The following SEMA3E variants were observed in gnomAD, a reference collection of about 807,000 sequenced individuals.
SEMA3E encodes the protein semaphorin-3E.
In SEMA3E, 49 loss-of-function variants were observed where a neutral mutation model predicts 93.6. The observed-to-expected ratio is 0.52, with a 90% confidence interval of 0.42 to 0.66. The LOEUF (loss-of-function observed/expected upper bound fraction) is 0.66. Ranked by LOEUF, SEMA3E falls within the 30% of genes least tolerant of loss-of-function variation. SEMA3E has a pLI of 0.00. For synonymous variants in SEMA3E, 363 were observed against 330.7 expected (o/e 1.10, Z -1.06); for missense variants, 906 against 964.8 (o/e 0.94, Z 0.81).
intron 1 of SEMA3E, among the ~76,000 whole-genome samples, chr7:83,576,984 A>G (rs1043219616): frequency 6.6e-6 from 1 of 152,322 alleles, no homozygotes; most frequent in South Asian, 2.1e-4. Context: ...CCATCGTGGT[A>G]ATAAGTTTGC....
At chr7:83,408,554 A>G in intron 5 of SEMA3E, 67 bp from the exon 6 acceptor site, 1 of 1,466,472 alleles carries the variant, frequency 6.8e-7, no homozygotes, top group South Asian at 1.2e-5. Context: ...AAACACATCC[A>G]AATTTAATAT....
At chr7:83,620,719 C>T (rs1022580813) in intron 1 of SEMA3E, among the ~76,000 whole-genome samples, 2 of 151,876 alleles carry the variant, frequency 1.3e-5, no homozygotes, top group African/African-American at 4.8e-5. Flanking sequence ...TAATTCATCA[C>T]GTAAACAGAA....
In SEMA3E at chr7:83,469,478, C is replaced by T. The variant is rs3823896; in HGVS notation, c.277-176G>A. Among the ~76,000 whole-genome samples, 66,486 of 147,826 alleles carry T rather than the reference C, an allele frequency of 0.45. 16,149 individuals are homozygous for T. The highest frequency in any genetic ancestry group is 0.67 in the East Asian group (3,397 of 5,064). ...CAGAATTATTTGCATAATTAAGAAA[C>T]GTATCGCTGGGCTTTTACTTTATGA... On this transcript the variant is annotated intron_variant, in intron 2 of 16. Transcript: ENST00000643230.
chr7:83,637,206 AC>A (rs1163838632), intron 1 of SEMA3E, among the ~76,000 whole-genome samples: 1 of 152,172 alleles, frequency 6.6e-6, no homozygotes, highest in Non-Finnish European at 1.5e-5. Flanking sequence ...CAATATTGAT[AC>A]ATTATTATTA....
chr7:83,470,419 C>G (rs1458174368), intron 2 of SEMA3E, among the ~76,000 whole-genome samples: 1 of 152,042 alleles, frequency 6.6e-6, no homozygotes, highest in Non-Finnish European at 1.5e-5. Context: ...ATTGATTGTA[C>G]TATGTGCCAG....
At chr7:83,519,689 C>T (rs1791005518) in intron 1 of SEMA3E, among the ~76,000 whole-genome samples, 1 of 152,124 alleles carries the variant, frequency 6.6e-6, no homozygotes, top group African/African-American at 2.4e-5. Flanking sequence ...GTTTTAATCA[C>T]TGTTTTTCTT....
intron 1 of SEMA3E, among the ~76,000 whole-genome samples, chr7:83,529,875 A>T (rs545359940): frequency 6.6e-6 from 1 of 152,236 alleles, no homozygotes; most frequent in East Asian, 1.9e-4. Context: ...TCCCCTTCCC[A>T]AATCTTTATA....
At chr7:83,448,556 G>A (rs1431451421) in intron 4 of SEMA3E, among the ~76,000 whole-genome samples, 1 of 152,084 alleles carries the variant, frequency 6.6e-6, no homozygotes, top group African/African-American at 2.4e-5. Context: ...GTCCTACCAC[G>A]CTAGTATATT....
intron 4 of SEMA3E, among the ~76,000 whole-genome samples, chr7:83,436,312 G>A (rs1188139993): frequency 6.7e-6 from 1 of 148,530 alleles, no homozygotes; most frequent in African/African-American, 2.5e-5. Flanking sequence ...AGAAGAAAAT[G>A]TGGGGGAGGA....
chr7:83,390,209 A>G lies in SEMA3E; in HGVS notation c.1667+2346T>C, dbSNP rs148320575. The stretch of plus-strand genomic sequence containing the variant: ...TATATGCGCGTATACGTGTGCACAT[A>G]TATGCGCGTATATATGCGCGTATAT... On this transcript the variant is annotated intron_variant, in intron 14 of 16. Transcript: ENST00000643230. Among the ~76,000 whole-genome samples the G allele has an allele frequency of 2.1e-3, 10 of 4,824 alleles. 3 individuals are homozygous for G. Among genetic ancestry groups the G allele is most frequent in the Admixed American group, 0.014 (3 of 214 alleles). 3.2% of individuals were successfully genotyped at this position (4,824 alleles called of 152,430 possible). A position where few individuals can be genotyped will look rare whatever the true frequency, so the allele number is the denominator to read the frequency against.
intron 1 of SEMA3E, among the ~76,000 whole-genome samples, chr7:83,598,068 A>C (rs547988313): frequency 1.3e-5 from 2 of 152,338 alleles, no homozygotes; most frequent in East Asian, 3.9e-4. Context: ...TCATATCAAT[A>C]TATGAGTTAG....
At chr7:83,404,339 T>C (rs181812006) in intron 9 of SEMA3E, among the ~76,000 whole-genome samples, 1 of 151,982 alleles carries the variant, frequency 6.6e-6, no homozygotes, top group Admixed American at 6.6e-5. Context: ...TACTGAAAAA[T>C]AACAAACTAA....
At chr7:83,519,509 T>C (rs909306388) in intron 1 of SEMA3E, among the ~76,000 whole-genome samples, 1 of 152,158 alleles carries the variant, frequency 6.6e-6, no homozygotes, top group Non-Finnish European at 1.5e-5. Context: ...GAAATCACCA[T>C]GTTTATCATA....
chr7:83,618,010 C>A (rs1250582598), intron 1 of SEMA3E, among the ~76,000 whole-genome samples: 1 of 151,968 alleles, frequency 6.6e-6, no homozygotes, highest in Non-Finnish European at 1.5e-5. Context: ...TAAGACATAG[C>A]CCTTTGTGCA....
chr7:83,480,821 G>C (rs1790128976), intron 2 of SEMA3E, among the ~76,000 whole-genome samples: 1 of 152,036 alleles, frequency 6.6e-6, no homozygotes, highest in South Asian at 2.1e-4. Context: ...CTCCTAACCA[G>C]AAAATCTAGT....
At chr7:83,458,858 T>C (rs1181597686) in intron 4 of SEMA3E, among the ~76,000 whole-genome samples, 2 of 147,300 alleles carry the variant, frequency 1.4e-5, no homozygotes, top group African/African-American at 2.5e-5. Context: ...TTTTTTGTTA[T>C]ATATATGATT....
intron 2 of SEMA3E, among the ~76,000 whole-genome samples, chr7:83,488,292 G>A (rs1484009426): frequency 6.6e-6 from 1 of 152,100 alleles, no homozygotes; most frequent in Non-Finnish European, 1.5e-5. Context: ...AGAGCTGAAG[G>A]CCATGGGGTC....
intron 4 of SEMA3E, among the ~76,000 whole-genome samples, chr7:83,420,683 A>G (rs1788655084): frequency 6.6e-6 from 1 of 152,228 alleles, no homozygotes; most frequent in Non-Finnish European, 1.5e-5. Flanking sequence ...ATCTACAGCC[A>G]TCTGATCTTT....
chr7:83,376,268 C>T (rs1794820850), intron 16 of SEMA3E, among the ~76,000 whole-genome samples: 1 of 151,870 alleles, frequency 6.6e-6, no homozygotes, highest in South Asian at 2.1e-4. Flanking sequence ...GAGTTACTAC[C>T]ATAGGATAGC....
Sources: allele counts gnomAD v4.1 joint callset (sites outside exome capture counted in the v4.1 genomes callset), GRCh38; gene constraint gnomAD v4.1.1; transcripts MANE v1.5; gene names NCBI Gene and HGNC (gene_info 2026-07-23, HGNC 2026-07-21).